The following CASP4 variants were observed in gnomAD, a reference collection of about 807,000 sequenced individuals.
The protein encoded by CASP4 is caspase 4, also known as caspase-4.
Under a neutral mutation model 41.3 loss-of-function variants are expected in CASP4, and 29 were observed. The observed-to-expected ratio is 0.70, with a 90% CI of 0.52 to 0.96. CASP4 has a LOEUF of 0.96. Among genes scored for constraint, CASP4 ranks in the 40% least tolerant of loss-of-function variants. The pLI, the probability that CASP4 is intolerant of heterozygous loss-of-function variation, is 0.00. For synonymous variants in CASP4, 185 were observed against 158.4 expected (o/e 1.17, Z -1.26); for missense variants, 447 against 460.6 (o/e 0.97, Z 0.27).
intron 5 of CASP4, chr11:104,949,155 G>T: frequency 3.5e-6 from 1 of 283,632 alleles, no homozygotes; most frequent in Middle Eastern, 1.3e-3. Context: ...TAAGAAAAAG[G>T]GATGCTGTTT....
intron 6 of CASP4, 43 bp from the exon 7 acceptor site, chr11:104,947,235 C>T (rs765822514): frequency 2.2e-5 from 26 of 1,173,566 alleles, no homozygotes; most frequent in African/African-American, 3.1e-5. Flanking sequence ...ATGACTTTCA[C>T]TATGTTTTTG....
intron 5 of CASP4, 52 bp from the exon 6 acceptor site, chr11:104,948,728 G>A (rs751685993): frequency 7.3e-6 from 11 of 1,497,248 alleles, no homozygotes; most frequent in Non-Finnish European, 9.9e-6. Flanking sequence ...CAGAATGGCT[G>A]TCACAGTTGC....
rs768102699 is a variant in CASP4, at chr11:104,951,018, C to T, written c.453G>A (p.Pro151=). Residue 151 remains proline, a synonymous_variant, in exon 4 of 9, where the codon CCG becomes CCA. Coordinates refer to ENST00000444739, the MANE Select transcript of CASP4 (RefSeq NM_001225.4). ...TGATGTCAAAGTCAGCTCCATTCCTCGGAGGCAGATGGTCAAACTCTGTAT... is the reference window on the plus strand; with the variant it reads ...TGATGTCAAAGTCAGCTCCATTCCTTGGAGGCAGATGGTCAAACTCTGTAT... The part of the protein sequence containing the change: ...ICNTEFDHLP[P]RNGADFDITG... The T allele has an allele frequency of 3.0e-5, 49 of 1,613,380 alleles. No homozygotes were observed. The highest frequency in any genetic ancestry group is 1.6e-4 in the Middle Eastern group (1 of 6,076).
At chr11:104,943,206 A>G in intron 8 of CASP4, 1 of 311,734 alleles carries the variant, frequency 3.2e-6, no homozygotes. Context: ...TCGCTCAGAT[A>G]ATAATTTTTA....
At chr11:104,963,953 T>G (rs780577123) in intron 1 of CASP4, among the ~76,000 whole-genome samples, 1 of 152,206 alleles carries the variant, frequency 6.6e-6, no homozygotes, top group Admixed American at 6.5e-5. Context: ...CTGAAGCCAG[T>G]AGTCCAGTTA....
At chr11:104,956,686 A>C in intron 1 of CASP4, 2 of 982,268 alleles carry the variant, frequency 2.0e-6, no homozygotes, top group Non-Finnish European at 2.4e-6. Flanking sequence ...AGGTGAGATC[A>C]CAAAGGCTTC....
Position 104,951,881 on chromosome 11 carries a change from T to A in CASP4, c.372+15A>T. On this transcript the variant is annotated intron_variant, in intron 3 of 8. Transcript: ENST00000444739. ...TCTCTTCTTTTTTTTCTATTTCATATAGATAGCATAGCACCTCTTCAGCTC... is the reference window on the plus strand; with the variant it reads ...TCTCTTCTTTTTTTTCTATTTCATAAAGATAGCATAGCACCTCTTCAGCTC... The A allele has an allele frequency of 6.7e-7, 1 of 1,501,452 alleles. No individual in the cohort carries two copies. 93.0% of individuals were successfully genotyped at this position (1,501,452 alleles called of 1,614,324 possible).
At chr11:104,960,767 A>G (rs1860840209) in intron 1 of CASP4, among the ~76,000 whole-genome samples, 6 of 151,504 alleles carry the variant, frequency 4.0e-5, no homozygotes, top group Admixed American at 3.9e-4. Flanking sequence ...GAGCCACCAC[A>G]TCCAGCCTTT....
chr11:104,951,160 C>G, intron 3 of CASP4, 62 bp from the exon 4 acceptor site: 1 of 1,467,482 alleles, frequency 6.8e-7, no homozygotes, highest in Non-Finnish European at 9.4e-7. Context: ...CCTCCTTATG[C>G]CTATCAGTGT....
intron 1 of CASP4, 34 bp from the exon 2 acceptor site, chr11:104,955,035 G>C (rs947651320): frequency 1.2e-6 from 2 of 1,601,696 alleles, no homozygotes; most frequent in East Asian, 4.5e-5. Flanking sequence ...TTAACTATGG[G>C]CACAGCTTAA....
intron 7 of CASP4, chr11:104,946,729 A>T (rs1482928601): frequency 5.8e-6 from 1 of 171,124 alleles, no homozygotes; most frequent in Non-Finnish European, 1.3e-5. Flanking sequence ...GGCCTCATTT[A>T]CCCCTCTGTC....
rs2134646669 is a variant in CASP4, at chr11:104,954,948, A to G, written c.61T>C (p.Phe21Leu). 2 of 1,613,702 alleles carry G rather than the reference A, an allele frequency of 1.2e-6. No individual in the cohort carries two copies. Among genetic ancestry groups the G allele is most frequent in the East Asian group, 4.5e-5 (2 of 44,858 alleles). The change falls in exon 2 of 9, where the codon TTC becomes CTC. Residue 21 changes from phenylalanine to leucine, a missense_variant. Coordinates refer to ENST00000444739, the MANE Select transcript of CASP4 (RefSeq NM_001225.4). Reference protein sequence around the residue: ...LKVLESLGKDFLTGVLDNLVE... With the variant: ...LKVLESLGKDLLTGVLDNLVE... Reference sequence around the variant, plus strand: ...AAGTTATCCAAAACACCAGTGAGGAAATCTTTGCCCAGGGATTCCAACACC... The same window carrying G: ...AAGTTATCCAAAACACCAGTGAGGAGATCTTTGCCCAGGGATTCCAACACC...
intron 7 of CASP4, among the ~76,000 whole-genome samples, chr11:104,946,021 T>G (rs940105741): frequency 2.6e-5 from 4 of 152,024 alleles, no homozygotes; most frequent in Admixed American, 1.3e-4. Context: ...AATTTTTGTA[T>G]TTTTTGTAGA....
Position 104,947,150 on chromosome 11 carries a change from A to G in CASP4, c.968T>C (p.Ile323Thr), listed in dbSNP as rs144900642. 1.9e-6 allele frequency: 3 copies of G among 1,612,968 alleles called. No individual in the cohort carries two copies. Among genetic ancestry groups the G allele is most frequent in the Non-Finnish European group, 2.5e-6 (3 of 1,179,240 alleles). Residue 323 changes from isoleucine to threonine, a missense_variant, in exon 7 of 9, where the codon ATC (isoleucine) becomes ACC (threonine). Physicochemically the swap from Ile to Thr is moderately conservative, Grantham distance 89. Transcript: ENST00000444739. ...CTGGAAGCATGTGATGAGTTGTGTG[A>G]TGAAGATAGAGCCCATTGTGCTGTC... Reference protein sequence around the residue: ...WRDSTMGSIFITQLITCFQKY... With the variant: ...WRDSTMGSIFTTQLITCFQKY...
chr11:104,957,425 G>A (rs1196774360), intron 1 of CASP4, among the ~76,000 whole-genome samples: 2 of 152,046 alleles, frequency 1.3e-5, no homozygotes, highest in African/African-American at 2.4e-5. Context: ...TTAAAAAGTT[G>A]GCTGGCCATA....
intron 5 of CASP4, chr11:104,949,088 G>A (rs889356441): frequency 3.1e-5 from 7 of 227,918 alleles, no homozygotes; most frequent in African/African-American, 1.4e-4. Flanking sequence ...GAGCAAAGTG[G>A]CACTGCAACA....
chr11:104,968,434 T>G, intron 1 of CASP4, 85 bp downstream of exon 1: 2 of 1,271,270 alleles, frequency 1.6e-6, no homozygotes, highest in Non-Finnish European at 2.3e-6. Flanking sequence ...ATCGGCTCAC[T>G]TCCTTTCTTG....
chr11:104,954,665 T>G, intron 2 of CASP4, 82 bp downstream of exon 2: 1 of 1,246,926 alleles, frequency 8.0e-7, no homozygotes, highest in Non-Finnish European at 1.1e-6. Flanking sequence ...GATAGGGGAA[T>G]CACAGAAGAC....
rs981303170 is a variant in CASP4, at chr11:104,945,576, C to A, written c.1036-725G>T. Reference sequence around the variant, plus strand: ...CAGCCCCAGTATCTTATCTTTAAGACCCAAACACTGAACAACTTTCATATC... The same window carrying A: ...CAGCCCCAGTATCTTATCTTTAAGAACCAAACACTGAACAACTTTCATATC... On this transcript the variant is annotated intron_variant, in intron 7 of 8. Transcript: ENST00000444739. 3.3e-5 allele frequency among the ~76,000 whole-genome samples: 5 copies of A among 152,096 alleles called. No homozygotes were observed. The East Asian group carries it at 9.7e-4, about 30-fold the overall frequency.
Sources: gnomAD v4.1 joint callset for allele counts (sites outside exome capture counted in the v4.1 genomes callset) on GRCh38, gnomAD v4.1.1 for gene constraint, MANE v1.5 for transcripts, NCBI Gene and HGNC (gene_info 2026-07-23, HGNC 2026-07-21) for gene names.